SALL4: variants seen among roughly 807,000 people sequenced by gnomAD.
SALL4 encodes spalt like transcription factor 4.
A neutral mutation model predicts 60.8 loss-of-function variants in SALL4; 4 were observed. That is an observed-to-expected ratio of 0.07 (90% CI 0.03 to 0.15). The LOEUF is 0.15. SALL4 is among the 10% of genes least tolerant of loss of function. The pLI is 1.00. For missense variants in SALL4, 1,178 were observed against 1,394.7 expected, an observed-to-expected ratio of 0.84 and a Z score of 2.48; for synonymous variants, 580 against 574.9, an observed-to-expected ratio of 1.01 and a Z score of -0.13.
intron 2 of SALL4, 105 bp from the exon 3 acceptor site, chr20:51,789,246 G>A: frequency 7.6e-7 from 1 of 1,312,934 alleles, no homozygotes; most frequent in Admixed American, 2.4e-5. Context: ...TAGTTTGAGA[G>A]TCTGGAGCTG....
At position 51,791,219 on chromosome 20, in the gene SALL4, T is replaced by C; in HGVS notation, c.1264A>G (p.Lys422Glu). 1 of 1,614,020 alleles carries C rather than the reference T, an allele frequency of 6.2e-7. No homozygotes were observed. Among genetic ancestry groups the C allele is most frequent in the South Asian group, 1.1e-5 (1 of 91,070 alleles). ...CSVCGHRFTT[K>E]GNLKVHFHRH... Reference sequence around the variant, plus strand: ...TGAAAGTGCACCTTGAGGTTGCCCTTGGTGGTGAAGCGATGACCACAGACA... The same window carrying C: ...TGAAAGTGCACCTTGAGGTTGCCCTCGGTGGTGAAGCGATGACCACAGACA... The change falls in exon 2 of 4, where the codon AAG becomes GAG. Residue 422 changes from lysine to glutamate, a missense_variant. Around this residue, in one of 5 missense-constraint regions of SALL4, gnomAD observed 853 missense variants for 1,036.8 expected, o/e 0.82. Coordinates refer to ENST00000217086, the MANE Select transcript of SALL4 (RefSeq NM_020436.5). The surrounding 1 kb of genome is among the most constrained non-coding windows in gnomAD (Gnocchi z 4.6).
chr20:51,798,589 C>T (rs2078092535), intron 1 of SALL4, among the ~76,000 whole-genome samples: 2 of 152,080 alleles, frequency 1.3e-5, no homozygotes, highest in Admixed American at 1.3e-4. Flanking sequence ...GAAGGGACAA[C>T]TTCTGGAACT....
At chr20:51,792,841 G>T (rs1568866825) in intron 1 of SALL4, 19 of 1,032,292 alleles carry the variant, frequency 1.8e-5, no homozygotes, top group Non-Finnish European at 2.2e-5. Flanking sequence ...TTCACATGAT[G>T]CCTGGAAGTC....
chr20:51,793,363 G>C (rs1006502613), intron 1 of SALL4, among the ~76,000 whole-genome samples: 5 of 152,010 alleles, frequency 3.3e-5, no homozygotes, highest in African/African-American at 1.2e-4. Flanking sequence ...CAGCGTCCAT[G>C]TATAGTTCAA....
rs1316025298 is a variant in SALL4 at position 51,784,332 on chromosome 20, G to A, written c.3095C>T (p.Ala1032Val). The A allele has an allele frequency of 3.1e-6, 5 of 1,614,214 alleles. No individual in the cohort carries two copies. The highest frequency in any genetic ancestry group is 4.2e-6 in the Non-Finnish European group (5 of 1,180,036). The change falls in exon 4 of 4, where the codon GCT becomes GTT. Residue 1032 changes from alanine to valine, a missense_variant. Physicochemically the swap from Ala to Val is moderately conservative, Grantham distance 64. This residue lies in a region of SALL4 where 174 missense variants were observed against 169.6 expected (regional missense o/e 1.03). Coordinates refer to ENST00000217086, the MANE Select transcript of SALL4 (RefSeq NM_020436.5). ...GISADVEKPS[A>V]TDGVPKHQFP... ...CTGGTGTTTGGGAACGCCGTCAGTA[G>A]CACTTGGTTTTTCCACATCTGCACT...
Position 51,784,032 on chromosome 20 carries a change from T to G in SALL4, c.*233A>C. 3.6e-6 allele frequency: 2 copies of G among 553,584 alleles called. No individual in the cohort carries two copies. The highest frequency in any genetic ancestry group is 6.4e-6 in the Non-Finnish European group (2 of 312,126). The allele number at this position is 553,584 out of a possible 1,614,324, so 34.3% of individuals were successfully genotyped here. On this transcript the variant is annotated 3_prime_UTR_variant, in exon 4 of 4. Coordinates refer to ENST00000217086, the MANE Select transcript of SALL4 (RefSeq NM_020436.5). ...GAGACTCCATCTCAAAAAAAAAGAG[T>G]CTGTATTTGTTTTGGTATGCATTTT... is the stretch of plus-strand genomic sequence containing the variant.
chr20:51,791,423 C>A lies in SALL4; in HGVS notation c.1060G>T (p.Asp354Tyr), dbSNP rs567376779. ...FQSPFSTVAL[D>Y]TSKKGKGKPP... ...TTCCCCTTCCCTTTCTTGGATGTGT[C>A]TAGCGCCACAGTGGAGAAAGGGCTC... is the stretch of plus-strand genomic sequence containing the variant. The change falls in exon 2 of 4, where the codon GAC becomes TAC. Residue 354 changes from aspartate (D) to tyrosine (Y), a missense_variant. Physicochemically the swap from Asp to Tyr is radical, Grantham distance 160. Transcript: ENST00000217086. The surrounding 1 kb of genome is among the most constrained non-coding windows in gnomAD (Gnocchi z 4.6). 1.2e-6 allele frequency: 2 copies of A among 1,614,198 alleles called. No homozygotes were observed. Among genetic ancestry groups the A allele is most frequent in the South Asian group, 2.2e-5 (2 of 91,078 alleles).
rs752621731 is a variant in SALL4, at chr20:51,802,333, G to T, written c.76C>A (p.Gln26Lys). The T allele has an allele frequency of 6.2e-7, 1 of 1,609,750 alleles. No individual in the cohort carries two copies. Among genetic ancestry groups the T allele is most frequent in the Non-Finnish European group, 8.5e-7 (1 of 1,179,570 alleles). ...GCCGCATCTGCAAACTCCGGGGTCT[G>T]CTGCTGCGGCTGCTGCTCGCCCTGG... ...EDQGEQQPQQ[Q>K]TPEFADAAPA... The change falls in exon 1 of 4, where the codon CAG becomes AAG. Residue 26 changes from glutamine to lysine, a missense_variant. Coordinates refer to ENST00000217086, the MANE Select transcript of SALL4 (RefSeq NM_020436.5).
In SALL4 at chr20:51,782,879, A is replaced by G. The variant is rs1161472070; in HGVS notation, c.*1386T>C. On this transcript the variant is annotated 3_prime_UTR_variant, in exon 4 of 4. Transcript: ENST00000217086. ...GCCTGGGAATACTTCAGCGGTCTTA[A>G]AATAGGAAAATAGACACTATGGCTA... The G allele has an allele frequency of 6.6e-6, 1 of 152,206 alleles. No homozygotes were observed. The highest frequency in any genetic ancestry group is 1.9e-4 in the East Asian group (1 of 5,200). The allele number at this position is 152,206 out of a possible 1,614,324, so 9.4% of individuals were successfully genotyped here. A position where few individuals can be genotyped will look rare whatever the true frequency, so the allele number is the denominator to read the frequency against.
At chr20:51,793,862 A>T (rs2078064399) in intron 1 of SALL4, among the ~76,000 whole-genome samples, 1 of 152,168 alleles carries the variant, frequency 6.6e-6, no homozygotes, top group South Asian at 2.1e-4. Flanking sequence ...CTTGCAAGGT[A>T]TGTGTAGGCT....
intron 3 of SALL4, among the ~76,000 whole-genome samples, chr20:51,786,326 C>T (rs1314718970): frequency 2.6e-5 from 4 of 152,008 alleles, no homozygotes; most frequent in Non-Finnish European, 5.9e-5. Context: ...GATCTCCTGA[C>T]CTTGTGATCC....
In SALL4 at chr20:51,784,076, T is replaced by G. The variant is rs561488490; in HGVS notation, c.*189A>C. 55 of 665,626 alleles carry G rather than the reference T, an allele frequency of 8.3e-5. No individual in the cohort carries two copies. The African/African-American group carries it at 8.7e-4, about 11-fold the overall frequency. 41.2% of individuals were successfully genotyped at this position (665,626 alleles called of 1,614,324 possible). ...GCATTTTTTTTTTATTTTTTCAACTTTTTGCAAAGCAGCATAGCAACAATC... is the reference window on the plus strand; with the variant it reads ...GCATTTTTTTTTTATTTTTTCAACTGTTTGCAAAGCAGCATAGCAACAATC... On this transcript the variant is annotated 3_prime_UTR_variant, in exon 4 of 4. Coordinates refer to ENST00000217086, the MANE Select transcript of SALL4 (RefSeq NM_020436.5).
In SALL4 at chr20:51,790,407, A is replaced by C. The variant is rs769571672; in HGVS notation, c.2076T>G (p.Asp692Glu). The change falls in exon 2 of 4, where the codon GAT (aspartate) becomes GAG (glutamate). Residue 692 changes from aspartate (D) to glutamate (E), a missense_variant. Coordinates refer to ENST00000217086, the MANE Select transcript of SALL4 (RefSeq NM_020436.5). The surrounding 1 kb of genome is among the most constrained non-coding windows in gnomAD (Gnocchi z 5.5). ...ICHDDVIESI[D>E]VEEVSSQEAP... Reference sequence around the variant, plus strand: ...CCTCCTGGGAGCTGACTTCCTCTACATCGATGCTTTCGATGACATCATCAT... The same window carrying C: ...CCTCCTGGGAGCTGACTTCCTCTACCTCGATGCTTTCGATGACATCATCAT... 2 of 1,613,892 alleles carry C rather than the reference A, an allele frequency of 1.2e-6. No individual in the cohort carries two copies. Among genetic ancestry groups the C allele is most frequent in the Non-Finnish European group, 8.5e-7 (1 of 1,180,016 alleles).
chr20:51,802,257 C>A (rs1198685158), intron 1 of SALL4, 22 bp downstream of exon 1: 1 of 1,575,436 alleles, frequency 6.3e-7, no homozygotes, highest in Admixed American at 1.8e-5. Flanking sequence ...CCTCCCCGGG[C>A]GGGCGCCCCA....
rs764615719 is a variant in SALL4, at chr20:51,791,509, T to C, written c.974A>G (p.Asn325Ser). 1.2e-6 allele frequency: 2 copies of C among 1,613,954 alleles called. No individual in the cohort carries two copies. The highest frequency in any genetic ancestry group is 2.7e-5 in the African/African-American group (2 of 75,026). Residue 325 changes from asparagine (N) to serine (S), a missense_variant, in exon 2 of 4, where the codon AAC becomes AGC. This residue lies in a region of SALL4 where 853 missense variants were observed against 1,036.8 expected (regional missense o/e 0.82). Coordinates refer to ENST00000217086, the MANE Select transcript of SALL4 (RefSeq NM_020436.5). The surrounding 1 kb of genome is among the most constrained non-coding windows in gnomAD (Gnocchi z 4.6). Reference protein sequence around the residue: ...LKPDGTRVLPNVMSRLPSALL... With the variant: ...LKPDGTRVLPSVMSRLPSALL... ...AGCGCTCGGGAGGCGGGACATGACGTTCGGGAGCACCCGGGTCCCATCCGG... is the reference window on the plus strand; with the variant it reads ...AGCGCTCGGGAGGCGGGACATGACGCTCGGGAGCACCCGGGTCCCATCCGG...
chr20:51,795,228 A>G (rs1262994996), intron 1 of SALL4, among the ~76,000 whole-genome samples: 1 of 152,156 alleles, frequency 6.6e-6, no homozygotes, highest in African/African-American at 2.4e-5. Context: ...TAACACGGTG[A>G]AACTCCATCT....
chr20:51,790,529 G>C lies in SALL4; in HGVS notation c.1954C>G (p.Gln652Glu). 6.2e-7 allele frequency: 1 copy of C among 1,614,178 alleles called. No homozygotes were observed. The change falls in exon 2 of 4, where the codon CAG (glutamine) becomes GAG (glutamate). Residue 652 changes from glutamine to glutamate, a missense_variant. Gln to Glu is a conservative substitution (Grantham distance 29, BLOSUM62 2). Coordinates refer to ENST00000217086, the MANE Select transcript of SALL4 (RefSeq NM_020436.5). The surrounding 1 kb of genome is among the most constrained non-coding windows in gnomAD (Gnocchi z 5.5). ...TCTGGCAGGGGCGTGTTGGGAATCTGACCGCCCATGTGCATCCGAATATGT... is the reference window on the plus strand; with the variant it reads ...TCTGGCAGGGGCGTGTTGGGAATCTCACCGCCCATGTGCATCCGAATATGT... ...QQHIRMHMGG[Q>E]IPNTPLPENP...
intron 3 of SALL4, among the ~76,000 whole-genome samples, chr20:51,785,292 C>T (rs1435756592): frequency 6.6e-6 from 1 of 151,888 alleles, no homozygotes; most frequent in African/African-American, 2.4e-5. Context: ...CAAAGCAAGA[C>T]TCCATCTCAA....
Position 51,791,392 on chromosome 20 carries a change from G to T in SALL4, c.1091C>A (p.Pro364Gln). Reference sequence around the variant, plus strand: ...TTTGACATCCACCGCGGAGATGTTCGGTGGCTTCCCCTTCCCTTTCTTGGA... The same window carrying T: ...TTTGACATCCACCGCGGAGATGTTCTGTGGCTTCCCCTTCCCTTTCTTGGA... ...DTSKKGKGKPPNISAVDVKPK... is the reference protein window; with the variant it reads ...DTSKKGKGKPQNISAVDVKPK... The change falls in exon 2 of 4, where the codon CCG becomes CAG. Residue 364 changes from proline (P) to glutamine (Q), a missense_variant. Pro to Gln is a moderately conservative substitution (Grantham distance 76). Around this residue, in one of 5 missense-constraint regions of SALL4, gnomAD observed 853 missense variants for 1,036.8 expected, o/e 0.82. Transcript: ENST00000217086. The surrounding 1 kb of genome is among the most constrained non-coding windows in gnomAD (Gnocchi z 4.6). 6.2e-7 allele frequency: 1 copy of T among 1,614,188 alleles called. No homozygotes were observed. Among genetic ancestry groups the T allele is most frequent in the Non-Finnish European group, 8.5e-7 (1 of 1,180,026 alleles).
Sources: allele counts gnomAD v4.1 joint callset (sites outside exome capture counted in the v4.1 genomes callset), GRCh38; gene constraint gnomAD v4.1.1; regional missense constraint gnomAD v4.1.1; non-coding constraint Gnocchi (gnomAD v3.1); transcripts MANE v1.5; gene names NCBI Gene and HGNC (gene_info 2026-07-23, HGNC 2026-07-21).